DLG2: variants seen among roughly 807,000 people sequenced by gnomAD.
DLG2 encodes the protein disks large homolog 2.
In DLG2, 45 loss-of-function variants were observed where a neutral mutation model predicts 132.5. The observed-to-expected ratio is 0.34, with a 90% confidence interval of 0.27 to 0.44. The LOEUF (loss-of-function observed/expected upper bound fraction) is 0.44, where lower values mean the gene tolerates loss of function less well. Among genes scored for constraint, DLG2 ranks in the 20% least tolerant of loss-of-function variants. The pLI is 1.00. For synonymous variants in DLG2, 424 were observed against 419.6 expected, an observed-to-expected ratio of 1.01 and a Z score of -0.13; for missense variants, 1,045 against 1,196.9, an observed-to-expected ratio of 0.87 and a Z score of 1.87.
At chr11:83,801,266 C>T (rs369872360) in intron 17 of DLG2, among the ~76,000 whole-genome samples, 1 of 152,086 alleles carries the variant, frequency 6.6e-6, no homozygotes. Context: ...ACAGTAGCCT[C>T]GATGGGTCCC....
chr11:85,402,898 T>G (rs1370218676), intron 3 of DLG2, among the ~76,000 whole-genome samples: 1 of 152,170 alleles, frequency 6.6e-6, no homozygotes. Flanking sequence ...TTGTTGGGAC[T>G]GTAAATTAGT....
chr11:85,145,710 C>G (rs184472251), intron 5 of DLG2, among the ~76,000 whole-genome samples: 18 of 152,142 alleles, frequency 1.2e-4, no homozygotes, highest in African/African-American at 4.3e-4. Context: ...TGTTAAATTT[C>G]TGGGATAAGA....
rs115139896 is a variant in DLG2 at position 85,524,820 on chromosome 11, T to C, written c.40+73837A>G. Among the ~76,000 whole-genome samples the C allele has an allele frequency of 1.7e-3, 258 of 152,202 alleles. 1 individual carries two copies. The highest frequency in any genetic ancestry group is 6.0e-3 in the African/African-American group (250 of 41,518). On this transcript the variant is annotated intron_variant, in intron 3 of 27. Coordinates refer to ENST00000376104, the MANE Select transcript of DLG2 (RefSeq NM_001142699.3). ...CTACTCTAATTTTATTTATACAAAG[T>C]TCACGAACAGGCAAACTCAATCTCT...
intron 7 of DLG2, among the ~76,000 whole-genome samples, chr11:84,510,831 T>C (rs2099255181): frequency 6.6e-6 from 1 of 152,000 alleles, no homozygotes. Flanking sequence ...TGTTTGTTTG[T>C]TTGTTTGTTT....
intron 3 of DLG2, among the ~76,000 whole-genome samples, chr11:85,461,311 T>C (rs769870022): frequency 1.3e-5 from 2 of 152,216 alleles, no homozygotes; most frequent in Non-Finnish European, 2.9e-5. Context: ...CCAAAGTTAA[T>C]AGAAGAGAGA....
At chr11:85,007,233 T>C (rs1420204778) in intron 6 of DLG2, among the ~76,000 whole-genome samples, 3 of 152,150 alleles carry the variant, frequency 2.0e-5, no homozygotes, top group African/African-American at 4.8e-5. Flanking sequence ...ATGAAGATAA[T>C]ATTGGTACCT....
At chr11:84,458,624 A>G (rs941861736) in intron 7 of DLG2, among the ~76,000 whole-genome samples, 1 of 150,784 alleles carries the variant, frequency 6.6e-6, no homozygotes, top group Non-Finnish European at 1.5e-5. Context: ...TAAATATAAT[A>G]ACTTTTTTTA....
intron 3 of DLG2, among the ~76,000 whole-genome samples, chr11:85,331,863 C>T (rs2081776493): frequency 6.6e-6 from 1 of 152,148 alleles, no homozygotes; most frequent in African/African-American, 2.4e-5. Context: ...TATCCATCCA[C>T]CACTGATGGG....
intron 7 of DLG2, among the ~76,000 whole-genome samples, chr11:84,435,469 A>T (rs1306659458): frequency 6.6e-6 from 1 of 152,138 alleles, no homozygotes; most frequent in African/African-American, 2.4e-5. Flanking sequence ...GCTTATCATG[A>T]CCTAATGTTC....
At chr11:85,118,725 C>A (rs1352178340) in intron 5 of DLG2, among the ~76,000 whole-genome samples, 1 of 151,898 alleles carries the variant, frequency 6.6e-6, no homozygotes, top group African/African-American at 2.4e-5. Context: ...AGTTTAATAC[C>A]ATGAGGAACT....
intron 7 of DLG2, among the ~76,000 whole-genome samples, chr11:84,279,595 T>C (rs2097829570): frequency 3.9e-5 from 6 of 152,206 alleles, no homozygotes. Context: ...AAAGAAAATG[T>C]GGCACATATA....
intron 14 of DLG2, among the ~76,000 whole-genome samples, chr11:83,947,499 T>C (rs903232722): frequency 6.6e-6 from 1 of 152,184 alleles, no homozygotes. Flanking sequence ...CCGCATTCAC[T>C]TCTTAACCTC....
chr11:84,219,512 A>G (rs915245408), intron 8 of DLG2, among the ~76,000 whole-genome samples: 2 of 152,234 alleles, frequency 1.3e-5, no homozygotes, highest in Admixed American at 1.3e-4. Flanking sequence ...GAATTAATAT[A>G]CTTCTTGGGA....
intron 14 of DLG2, among the ~76,000 whole-genome samples, chr11:83,949,242 A>G (rs2084810787): frequency 6.6e-6 from 1 of 152,140 alleles, no homozygotes; most frequent in Admixed American, 6.6e-5. Flanking sequence ...AAAGGTATCC[A>G]GCACCAAGCA....
chr11:85,466,774 G>T (rs1418765380), intron 3 of DLG2, among the ~76,000 whole-genome samples: 1 of 152,152 alleles, frequency 6.6e-6, no homozygotes, highest in Non-Finnish European at 1.5e-5. Context: ...TTTGGCTTAG[G>T]ATTGACTTGG....
At chr11:84,995,032 A>G (rs78750092) in intron 6 of DLG2, among the ~76,000 whole-genome samples, 4,880 of 152,296 alleles carry the variant, frequency 0.032, 109 homozygotes, top group African/African-American at 0.047. Flanking sequence ...GAAATGCTGA[A>G]AGACCTGTGG....
chr11:84,746,982 G>T (rs2065456251), intron 6 of DLG2, among the ~76,000 whole-genome samples: 1 of 152,146 alleles, frequency 6.6e-6, no homozygotes, highest in East Asian at 1.9e-4. Flanking sequence ...AATTCTTCCT[G>T]CATTTTATAG....
chr11:84,936,035 T>C (rs929746100), intron 6 of DLG2, among the ~76,000 whole-genome samples: 31 of 152,246 alleles, frequency 2.0e-4, no homozygotes, highest in Non-Finnish European at 1.8e-4. Context: ...TCTGTGAGGT[T>C]AGGAAATACA....
intron 7 of DLG2, among the ~76,000 whole-genome samples, chr11:84,324,414 T>A (rs1224320051): frequency 6.6e-6 from 1 of 152,156 alleles, no homozygotes; most frequent in Non-Finnish European, 1.5e-5. Context: ...AATTTGTATG[T>A]CCAGCTTAGT....
Sources: gnomAD v4.1 joint callset for allele counts (sites outside exome capture counted in the v4.1 genomes callset) on GRCh38, gnomAD v4.1.1 for gene constraint, MANE v1.5 for transcripts, NCBI Gene and HGNC (gene_info 2026-07-23, HGNC 2026-07-21) for gene names.